The following TRIM67 variants were observed in gnomAD, a reference collection of about 807,000 sequenced individuals.
TRIM67 encodes the protein tripartite motif-containing protein 67.
A neutral mutation model predicts 71.0 loss-of-function variants in TRIM67; 39 were observed. The observed-to-expected ratio is 0.55, with a 90% CI of 0.43 to 0.72. The LOEUF (loss-of-function observed/expected upper bound fraction) is 0.72. Among genes scored for constraint, TRIM67 ranks in the 30% least tolerant of loss-of-function variants. TRIM67 has a pLI of 0.00. For missense variants in TRIM67, 973 were observed against 1,079.2 expected (o/e 0.90, Z 1.38); for synonymous variants, 481 against 473.9 (o/e 1.01, Z -0.19).
chr1:231,166,059 C>A (rs1267552368), intron 1 of TRIM67, among the ~76,000 whole-genome samples: 2 of 152,170 alleles, frequency 1.3e-5, no homozygotes, highest in South Asian at 2.1e-4. Flanking sequence ...TTGGTGTCAA[C>A]AGCAGTTTTA....
intron 1 of TRIM67, among the ~76,000 whole-genome samples, chr1:231,170,005 A>ATTTTTTTTTTTTTTTTTTTT: frequency 4.0e-5 from 4 of 101,232 alleles, no homozygotes; most frequent in African/African-American, 2.1e-4. Context: ...TTTTTTTTTG[A>ATTTTTTTTTTTTTTTTTTTT]GTTGGAGTTT....
At chr1:231,197,012 T>G (rs1287032428) in intron 1 of TRIM67, among the ~76,000 whole-genome samples, 3 of 152,140 alleles carry the variant, frequency 2.0e-5, no homozygotes, top group Non-Finnish European at 2.9e-5. Flanking sequence ...CATACAGGCA[T>G]GTACTGATTA....
intron 1 of TRIM67, among the ~76,000 whole-genome samples, chr1:231,193,646 G>C (rs1321975005): frequency 6.6e-6 from 1 of 151,786 alleles, no homozygotes; most frequent in African/African-American, 2.4e-5. Context: ...AAAGAAAGGT[G>C]GTTTATGGGG....
At position 231,203,881 on chromosome 1, in the gene TRIM67, C is replaced by T. The variant is rs1384328170; in HGVS notation, c.1549C>T (p.Leu517=). Residue 517 remains leucine (L), a synonymous_variant, in exon 6 of 10, where the codon CTA becomes TTA. Transcript: ENST00000366653. ...CCCCCTCGCAGTGCCACCCGTCCCC[C>T]TACTGCAGCTGGAGAAATGCTGCAC... ...QMKCRVPPVP[L]LQLEKCCTRN... The T allele has an allele frequency of 1.2e-6, 2 of 1,613,600 alleles. No homozygotes were observed. Among genetic ancestry groups the T allele is most frequent in the African/African-American group, 2.7e-5 (2 of 74,948 alleles).
In TRIM67 at chr1:231,163,225, G is replaced by A. The variant is rs1365909981; in HGVS notation, c.256G>A (p.Gly86Ser). ...ACGGAGGSAA[G>S]GLGGGAGGGG... Reference sequence around the variant, plus strand: ...CGGCGGTGCAGGCGGGAGTGCAGCTGGCGGCCTCGGCGGCGGTGCGGGAGG... The same window carrying A: ...CGGCGGTGCAGGCGGGAGTGCAGCTAGCGGCCTCGGCGGCGGTGCGGGAGG... The change falls in exon 1 of 10, where the codon GGC becomes AGC. Residue 86 changes from glycine to serine, a missense_variant. Physicochemically the swap from Gly to Ser is moderately conservative, Grantham distance 56. Around this residue, in one of 2 missense-constraint regions of TRIM67, gnomAD observed 795 missense variants for 831.3 expected, o/e 0.96. Coordinates refer to ENST00000366653, the MANE Select transcript of TRIM67 (RefSeq NM_001004342.5). 3.3e-6 allele frequency: 5 copies of A among 1,494,232 alleles called. No homozygotes were observed. Among genetic ancestry groups the A allele is most frequent in the Middle Eastern group, 1.8e-4 (1 of 5,546 alleles). 92.6% of individuals were successfully genotyped at this position (1,494,232 alleles called of 1,614,324 possible).
In TRIM67 at chr1:231,213,917, A is replaced by G; in HGVS notation, c.2226A>G (p.Thr742=). The G allele has an allele frequency of 6.2e-7, 1 of 1,613,804 alleles. No individual in the cohort carries two copies. Among genetic ancestry groups the G allele is most frequent in the South Asian group, 1.1e-5 (1 of 91,074 alleles). Reference sequence around the variant, plus strand: ...TCAACGGGCAGCAGCAGGGCCCCACAGCCTTCAGCCACGTGGACGGGGTCT... The same window carrying G: ...TCAACGGGCAGCAGCAGGGCCCCACGGCCTTCAGCCACGTGGACGGGGTCT... ...FFINGQQQGP[T]AFSHVDGVFM... is the part of the protein sequence containing the mutation. Residue 742 remains threonine (T), a synonymous_variant, in exon 9 of 10, where the codon ACA becomes ACG. Coordinates refer to ENST00000366653, the MANE Select transcript of TRIM67 (RefSeq NM_001004342.5).
chr1:231,205,657 C>T (rs1391720033), intron 6 of TRIM67, among the ~76,000 whole-genome samples: 3 of 145,038 alleles, frequency 2.1e-5, no homozygotes, highest in African/African-American at 7.7e-5. Flanking sequence ...ACTTGGAAGG[C>T]AAAGATTGTA....
chr1:231,209,348 G>A lies in TRIM67; in HGVS notation c.2123+98G>A. Reference sequence around the variant, plus strand: ...CCTTCTGCTGTCCCCAAAGCCAGGAGGAATTGAGAGGAGGTATTTTCAGCC... The same window carrying A: ...CCTTCTGCTGTCCCCAAAGCCAGGAAGAATTGAGAGGAGGTATTTTCAGCC... On this transcript the variant is annotated intron_variant, in intron 8 of 9. Transcript: ENST00000366653. This position sits in a 1 kb window ranked among gnomAD's most constrained non-coding sequence, Gnocchi z 4.1. 2 of 1,318,988 alleles carry A rather than the reference G, an allele frequency of 1.5e-6. No homozygotes were observed. Among genetic ancestry groups the A allele is most frequent in the South Asian group, 1.7e-5 (1 of 58,048 alleles). 81.7% of individuals were successfully genotyped at this position (1,318,988 alleles called of 1,614,324 possible). A position where few individuals can be genotyped will look rare whatever the true frequency, so the allele number is the denominator to read the frequency against.
chr1:231,188,462 G>C (rs1476600460), intron 1 of TRIM67, among the ~76,000 whole-genome samples: 1 of 152,192 alleles, frequency 6.6e-6, no homozygotes, highest in Non-Finnish European at 1.5e-5. Context: ...GGAGAATAAA[G>C]ATGCAGCTGG....
chr1:231,178,919 C>T (rs563702748), intron 1 of TRIM67, among the ~76,000 whole-genome samples: 285 of 152,310 alleles, frequency 1.9e-3, no homozygotes, highest in African/African-American at 6.5e-3. Context: ...ATTTGGCCTG[C>T]TTCCCTTGTG....
Position 231,219,213 on chromosome 1 carries a change from G to C in TRIM67, c.*3773G>C, listed in dbSNP as rs535261335. On this transcript the variant is annotated 3_prime_UTR_variant, in exon 10 of 10. Transcript: ENST00000366653. The stretch of plus-strand genomic sequence containing the variant: ...AACCTCTACTGACATTTTGCGATAG[G>C]TTCTGTATGCCGTAGGATGTTTAGC... 1.0e-6 allele frequency: 1 copy of C among 985,098 alleles called. No homozygotes were observed. The highest frequency in any genetic ancestry group is 1.1e-4 in the East Asian group (1 of 8,806). 61.0% of individuals were successfully genotyped at this position (985,098 alleles called of 1,614,324 possible). A position where few individuals can be genotyped will look rare whatever the true frequency, so the allele number is the denominator to read the frequency against.
At chr1:231,176,698 A>T (rs1682757233) in intron 1 of TRIM67, among the ~76,000 whole-genome samples, 1 of 152,158 alleles carries the variant, frequency 6.6e-6, no homozygotes, top group South Asian at 2.1e-4. Context: ...CTGAGCTAAC[A>T]TACTGGATCT....
intron 1 of TRIM67, among the ~76,000 whole-genome samples, chr1:231,175,688 G>A (rs1267759711): frequency 6.6e-6 from 1 of 152,218 alleles, no homozygotes; most frequent in Non-Finnish European, 1.5e-5. Flanking sequence ...TATCTTCCAA[G>A]GCTGTCCTCA....
At chr1:231,171,383 T>C (rs867709909) in intron 1 of TRIM67, among the ~76,000 whole-genome samples, 26 of 152,310 alleles carry the variant, frequency 1.7e-4, no homozygotes, top group Non-Finnish European at 1.2e-4. Flanking sequence ...TTCTGCTGCT[T>C]TCCTGGGATT....
chr1:231,209,153 G>T lies in TRIM67; in HGVS notation c.2026G>T (p.Val676Phe), dbSNP rs775454151. Reference sequence around the variant, plus strand: ...CTTCGGGGTGGCCAGGGCCAGCGTGGTCAAGGACATGATGCTGGGCAAGGA... The same window carrying T: ...CTTCGGGGTGGCCAGGGCCAGCGTGTTCAAGGACATGATGCTGGGCAAGGA... ...PAFGVARASVVKDMMLGKDDK... is the reference protein window; with the variant it reads ...PAFGVARASVFKDMMLGKDDK... Residue 676 changes from valine (V) to phenylalanine (F), a missense_variant, in exon 8 of 10, where the codon GTC (valine) becomes TTC (phenylalanine). Val to Phe is a conservative substitution (Grantham distance 50). Transcript: ENST00000366653. The surrounding 1 kb of genome is among the most constrained non-coding windows in gnomAD (Gnocchi z 4.1). The T allele has an allele frequency of 6.2e-6, 10 of 1,613,614 alleles. No individual in the cohort carries two copies. The highest frequency in any genetic ancestry group is 1.3e-5 in the African/African-American group (1 of 74,912).
In TRIM67 at chr1:231,216,296, A is replaced by T. The variant is rs535332256; in HGVS notation, c.*856A>T. The stretch of plus-strand genomic sequence containing the variant: ...CCCTCCCTCCTTCTCTCTCTCTCTC[A>T]CACACACACAGGCATGACAGTCTCC... On this transcript the variant is annotated 3_prime_UTR_variant, in exon 10 of 10. Transcript: ENST00000366653. 4.3e-5 allele frequency: 42 copies of T among 976,440 alleles called. No individual in the cohort carries two copies. Among genetic ancestry groups the T allele is most frequent in the South Asian group, 1.4e-4 (3 of 21,048 alleles). 60.5% of individuals were successfully genotyped at this position (976,440 alleles called of 1,614,324 possible).
chr1:231,197,442 A>G lies in TRIM67; in HGVS notation c.1116A>G (p.Leu372=). ...AKEAKEFLVQ[L]KNILQQIQEN... ...AAGCAAAGGAGTTTCTGGTTCAGCT[A>G]AAGAACATATTGCAGCAGATCCAGG... Residue 372 remains leucine (L), a synonymous_variant, in exon 2 of 10, where the codon CTA becomes CTG. Coordinates refer to ENST00000366653, the MANE Select transcript of TRIM67 (RefSeq NM_001004342.5). The G allele has an allele frequency of 1.9e-6, 3 of 1,614,026 alleles. No homozygotes were observed. The highest frequency in any genetic ancestry group is 1.3e-5 in the African/African-American group (1 of 75,070).
At chr1:231,205,135 G>T (rs1683659869) in intron 6 of TRIM67, among the ~76,000 whole-genome samples, 1 of 152,184 alleles carries the variant, frequency 6.6e-6, no homozygotes, top group Non-Finnish European at 1.5e-5. Context: ...AAAAGAAGCA[G>T]CCACAGAGCT....
chr1:231,177,269 C>T (rs1041742300), intron 1 of TRIM67, among the ~76,000 whole-genome samples: 3 of 152,136 alleles, frequency 2.0e-5, no homozygotes, highest in Admixed American at 6.5e-5. Flanking sequence ...GTAGGGGGTG[C>T]ATAATTTGAC....
Sources: allele counts gnomAD v4.1 joint callset (sites outside exome capture counted in the v4.1 genomes callset), GRCh38; gene constraint gnomAD v4.1.1; regional missense constraint gnomAD v4.1.1; non-coding constraint Gnocchi (gnomAD v3.1); transcripts MANE v1.5; gene names NCBI Gene and HGNC (gene_info 2026-07-23, HGNC 2026-07-21).